Variants in NRXN1 observed in about 807,000 individuals in gnomAD.
NRXN1 encodes neurexin 1.
NRXN1 carries 39 observed loss-of-function variants against 150.9 expected under a neutral mutation model. The ratio of observed to expected loss-of-function variants is 0.26; its 90% CI spans 0.20 to 0.34. The LOEUF is 0.34. Among genes scored for constraint, NRXN1 ranks in the 10% least tolerant of loss-of-function variants. The probability of loss-of-function intolerance (pLI) is 1.00; values close to 1 mark genes in which losing one functional copy is unlikely to be tolerated. For synonymous variants in NRXN1, 924 were observed against 757.0 expected (o/e 1.22, Z -3.62); for missense variants, 1,815 against 1,949.9 (o/e 0.93, Z 1.30).
chr2:50,046,616 A>C (rs2152607495), intron 21 of NRXN1, among the ~76,000 whole-genome samples: 1 of 152,294 alleles, frequency 6.6e-6, no homozygotes, highest in African/African-American at 2.4e-5. Context: ...CCATCATTTC[A>C]TATGGTTCCT....
chr2:50,073,617 G>A (rs1696620086), intron 19 of NRXN1, among the ~76,000 whole-genome samples: 1 of 152,066 alleles, frequency 6.6e-6, no homozygotes, highest in African/African-American at 2.4e-5. Context: ...AGTAGAAAAA[G>A]AGAAGCAATT....
chr2:50,613,737 G>A (rs967909335), intron 8 of NRXN1, among the ~76,000 whole-genome samples: 1 of 152,158 alleles, frequency 6.6e-6, no homozygotes, highest in Non-Finnish European at 1.5e-5. Context: ...AGGACATCCA[G>A]ACCATACTGG....
chr2:50,486,977 C>A (rs1020497880), intron 15 of NRXN1, among the ~76,000 whole-genome samples: 1 of 152,060 alleles, frequency 6.6e-6, no homozygotes, highest in Admixed American at 6.6e-5. Flanking sequence ...ACATGAGATA[C>A]GACGAACCCT....
At chr2:50,750,917 G>T (rs547800698) in intron 5 of NRXN1, among the ~76,000 whole-genome samples, 1 of 152,138 alleles carries the variant, frequency 6.6e-6, no homozygotes, top group East Asian at 1.9e-4. Flanking sequence ...ATGCATGATG[G>T]TTATGGGACC....
At chr2:50,073,675 C>T (rs951924022) in intron 19 of NRXN1, among the ~76,000 whole-genome samples, 1 of 152,020 alleles carries the variant, frequency 6.6e-6, no homozygotes, top group Non-Finnish European at 1.5e-5. Context: ...TGAAACTTGA[C>T]ATAATGACTC....
intron 21 of NRXN1, among the ~76,000 whole-genome samples, chr2:50,033,534 A>C (rs1689500228): frequency 6.6e-6 from 1 of 152,094 alleles, no homozygotes; most frequent in Admixed American, 6.6e-5. Context: ...CTGGAAGACA[A>C]CCTATGCAAT....
At chr2:50,802,634 G>A (rs907132279) in intron 5 of NRXN1, among the ~76,000 whole-genome samples, 8 of 151,464 alleles carry the variant, frequency 5.3e-5, no homozygotes, top group African/African-American at 1.9e-4. Flanking sequence ...AGAAAGAAGG[G>A]AGGGAGGAGG....
intron 5 of NRXN1, among the ~76,000 whole-genome samples, chr2:50,802,265 G>A (rs1340563848): frequency 6.6e-6 from 1 of 152,060 alleles, no homozygotes; most frequent in Non-Finnish European, 1.5e-5. Context: ...GCCGAGGCAG[G>A]GGGATCACCT....
At chr2:50,779,933 G>C (rs1013477882) in intron 5 of NRXN1, among the ~76,000 whole-genome samples, 13 of 152,018 alleles carry the variant, frequency 8.6e-5, no homozygotes. Context: ...GATCCCTGAG[G>C]AACCACCACA....
Position 50,868,140 on chromosome 2 carries a change from A to ATT in NRXN1, c.832+53727_832+53728dup, listed in dbSNP as rs1677203090. ...CACTGGATGAATGGATAAACAAAAT[A>ATT]TTATATATATATATATATATATATA... On this transcript the variant is annotated intron_variant, in intron 5 of 22. Transcript: ENST00000401669. Among the ~76,000 whole-genome samples the ATT allele has an allele frequency of 5.9e-5, 5 of 84,750 alleles. 1 individual carries two copies. The Middle Eastern group carries it at 0.016, about 268-fold the overall frequency. The allele number at this position is 84,750 out of a possible 152,430, so 55.6% of individuals were successfully genotyped here.
chr2:50,706,480 T>C (rs1263914716), intron 5 of NRXN1, among the ~76,000 whole-genome samples: 2 of 152,078 alleles, frequency 1.3e-5, no homozygotes, highest in South Asian at 2.1e-4. Flanking sequence ...AATTGGAGAA[T>C]TAGAATTAGA....
intron 13 of NRXN1, among the ~76,000 whole-genome samples, chr2:50,501,255 T>C (rs1264853643): frequency 2.0e-5 from 3 of 152,038 alleles, no homozygotes; most frequent in African/African-American, 7.2e-5. Flanking sequence ...GCTGGAGAGC[T>C]GGGAACAAGT....
intron 8 of NRXN1, among the ~76,000 whole-genome samples, chr2:50,614,731 T>G (rs1320973899): frequency 1.3e-5 from 1 of 78,900 alleles, no homozygotes; most frequent in East Asian, 2.7e-4. Context: ...ATATCAGCCA[T>G]TCAAAAAAAA....
chr2:50,975,313 G>A (rs1292219774), intron 2 of NRXN1, among the ~76,000 whole-genome samples: 9 of 152,040 alleles, frequency 5.9e-5, no homozygotes, highest in Non-Finnish European at 8.8e-5. Flanking sequence ...AACTTAAAGA[G>A]ATCAAGAGTC....
At chr2:50,910,450 C>A (rs960459143) in intron 5 of NRXN1, among the ~76,000 whole-genome samples, 1 of 151,962 alleles carries the variant, frequency 6.6e-6, no homozygotes, top group African/African-American at 2.4e-5. Flanking sequence ...AGATAACTTT[C>A]CCAAAGCCAC....
intron 17 of NRXN1, among the ~76,000 whole-genome samples, chr2:50,255,931 T>C (rs1470521553): frequency 6.6e-6 from 1 of 152,146 alleles, no homozygotes; most frequent in Non-Finnish European, 1.5e-5. Context: ...GACATGACTT[T>C]CTCTTCCTTC....
At chr2:50,519,562 C>T (rs1452071943) in intron 12 of NRXN1, among the ~76,000 whole-genome samples, 1 of 151,866 alleles carries the variant, frequency 6.6e-6, no homozygotes, top group Non-Finnish European at 1.5e-5. Flanking sequence ...TGTGAAGGTT[C>T]CTTGGAACTG....
chr2:50,861,300 T>C (rs538934114), intron 5 of NRXN1, among the ~76,000 whole-genome samples: 2 of 151,998 alleles, frequency 1.3e-5, no homozygotes, highest in Admixed American at 6.6e-5. Context: ...GTAGCCTCCA[T>C]CTTCTGGGCT....
intron 17 of NRXN1, among the ~76,000 whole-genome samples, chr2:50,257,299 T>C (rs953409763): frequency 6.6e-6 from 1 of 152,088 alleles, no homozygotes; most frequent in Non-Finnish European, 1.5e-5. Context: ...CATGTATTTA[T>C]GGATTTCCCC....
Sources: gnomAD v4.1 joint callset for allele counts (sites outside exome capture counted in the v4.1 genomes callset) on GRCh38, gnomAD v4.1.1 for gene constraint, MANE v1.5 for transcripts, NCBI Gene and HGNC (gene_info 2026-07-23, HGNC 2026-07-21) for gene names.